Variants in MCEMP1 observed in about 807,000 individuals in gnomAD.
MCEMP1 encodes mast cell-expressed membrane protein 1.
MCEMP1 carries 17 observed loss-of-function variants against 27.9 expected under a neutral mutation model. That is an observed-to-expected ratio of 0.61 (90% CI 0.42 to 0.91). The LOEUF (loss-of-function observed/expected upper bound fraction) is 0.91. MCEMP1 is among the 40% of genes least tolerant of loss of function. MCEMP1 has a pLI of 0.00. For synonymous variants in MCEMP1, 88 were observed against 76.9 expected, an observed-to-expected ratio of 1.14 and a Z score of -0.76; for missense variants, 200 against 204.8, an observed-to-expected ratio of 0.98 and a Z score of 0.14.
Position 7,679,321 on chromosome 19 carries a change from C to G in MCEMP1, c.*207C>G. The G allele has an allele frequency of 1.6e-6, 1 of 621,098 alleles. No individual in the cohort carries two copies. The allele number at this position is 621,098 out of a possible 1,614,324, so 38.5% of individuals were successfully genotyped here. A position where few individuals can be genotyped will look rare whatever the true frequency, so the allele number is the denominator to read the frequency against. On this transcript the variant is annotated 3_prime_UTR_variant, in exon 7 of 7. Coordinates refer to ENST00000333598, the MANE Select transcript of MCEMP1 (RefSeq NM_174918.3). The surrounding 1 kb of genome is among the most constrained non-coding windows in gnomAD (Gnocchi z 4.9). The stretch of plus-strand genomic sequence containing the variant: ...GCGTGCGTGTGTGTGCGTGTGTGCG[C>G]GTGTGTTCGTGTATGTGCGTGTGTG...
chr19:7,678,981 C>T lies in MCEMP1; in HGVS notation c.506C>T (p.Pro169Leu). 1.2e-6 allele frequency: 2 copies of T among 1,600,354 alleles called. No homozygotes were observed. The highest frequency in any genetic ancestry group is 2.2e-5 in the East Asian group (1 of 44,592). ...QKILEVLQKM[P>L]QSSPQ ...ATCTTGGAGGTGCTGCAGAAAATGCCACGTAAGTTGGCGCCCCGACAGGAG... is the reference window on the plus strand; with the variant it reads ...ATCTTGGAGGTGCTGCAGAAAATGCTACGTAAGTTGGCGCCCCGACAGGAG... The change falls in exon 6 of 7, where the codon CCA becomes CTA. Residue 169 changes from proline to leucine, a missense_variant and splice_region_variant. Transcript: ENST00000333598. This position sits in a 1 kb window ranked among gnomAD's most constrained non-coding sequence, Gnocchi z 4.8.
In MCEMP1 at chr19:7,678,780, T is replaced by C; in HGVS notation, c.449-144T>C. The C allele has an allele frequency of 9.1e-7, 1 of 1,100,812 alleles. No individual in the cohort carries two copies. The highest frequency in any genetic ancestry group is 1.3e-6 in the Non-Finnish European group (1 of 763,428). The allele number at this position is 1,100,812 out of a possible 1,614,324, so 68.2% of individuals were successfully genotyped here. ...TGCTCTGTGGGTATTGAAAGGCTCCTGGGAACCCCAAATCCATGGGCTCTG... is the reference window on the plus strand; with the variant it reads ...TGCTCTGTGGGTATTGAAAGGCTCCCGGGAACCCCAAATCCATGGGCTCTG... On this transcript the variant is annotated intron_variant, in intron 5 of 6. Coordinates refer to ENST00000333598, the MANE Select transcript of MCEMP1 (RefSeq NM_174918.3). The surrounding 1 kb of genome is among the most constrained non-coding windows in gnomAD (Gnocchi z 4.8).
In MCEMP1 at chr19:7,678,737, G is replaced by A; in HGVS notation, c.448+133G>A. 1 of 1,103,774 alleles carries A rather than the reference G, an allele frequency of 9.1e-7. No individual in the cohort carries two copies. The highest frequency in any genetic ancestry group is 2.6e-5 in the East Asian group (1 of 38,896). The allele number at this position is 1,103,774 out of a possible 1,614,324, so 68.4% of individuals were successfully genotyped here. A position where few individuals can be genotyped will look rare whatever the true frequency, so the allele number is the denominator to read the frequency against. ...AAAGCTCAAGTTGTGGAGGGGCGAT[G>A]GGTGTTACCATCTGGGTTGCTCTGT... On this transcript the variant is annotated intron_variant, in intron 5 of 6. Coordinates refer to ENST00000333598, the MANE Select transcript of MCEMP1 (RefSeq NM_174918.3). This position sits in a 1 kb window ranked among gnomAD's most constrained non-coding sequence, Gnocchi z 4.8.
chr19:7,679,289 T>C lies in MCEMP1; in HGVS notation c.*175T>C, dbSNP rs532563102. 5.7e-5 allele frequency: 44 copies of C among 768,320 alleles called. No homozygotes were observed. The highest frequency in any genetic ancestry group is 9.0e-5 in the Non-Finnish European group (43 of 479,902). The allele number at this position is 768,320 out of a possible 1,614,324, so 47.6% of individuals were successfully genotyped here. On this transcript the variant is annotated 3_prime_UTR_variant, in exon 7 of 7. Coordinates refer to ENST00000333598, the MANE Select transcript of MCEMP1 (RefSeq NM_174918.3). The surrounding 1 kb of genome is among the most constrained non-coding windows in gnomAD (Gnocchi z 4.9). ...TGTCTCGGAGTTGCTCGTGTGTGTG[T>C]ACACCTGCGTGCGTGTGTGTGCGTG...
In MCEMP1 at chr19:7,679,196, C is replaced by A. The variant is rs58349142; in HGVS notation, c.*82C>A. 3.3e-5 allele frequency: 47 copies of A among 1,424,672 alleles called. No homozygotes were observed. Among genetic ancestry groups the A allele is most frequent in the South Asian group, 7.0e-5 (5 of 71,552 alleles). The allele number at this position is 1,424,672 out of a possible 1,614,324, so 88.3% of individuals were successfully genotyped here. ...CAACGAAGACGGGAAATGACCCCCC[C>A]CCCCCAGCCTAGTGTGAACCTGCCC... On this transcript the variant is annotated 3_prime_UTR_variant, in exon 7 of 7. Transcript: ENST00000333598. The surrounding 1 kb of genome is among the most constrained non-coding windows in gnomAD (Gnocchi z 4.9).
In MCEMP1 at chr19:7,677,652, A is replaced by C. The variant is rs2032567897; in HGVS notation, c.71A>C (p.Asp24Ala). 2 of 1,613,902 alleles carry C rather than the reference A, an allele frequency of 1.2e-6. No homozygotes were observed. The highest frequency in any genetic ancestry group is 1.7e-5 in the Admixed American group (1 of 60,002). ...CCCCTCCCAGGTGCCCATGACCCAGACTATGAGAATATCACCTTGGCCTTC... is the reference window on the plus strand; with the variant it reads ...CCCCTCCCAGGTGCCCATGACCCAGCCTATGAGAATATCACCTTGGCCTTC... ...SAKNQGAHDPDYENITLAFKN... is the reference protein window; with the variant it reads ...SAKNQGAHDPAYENITLAFKN... The change falls in exon 2 of 7, where the codon GAC becomes GCC. Residue 24 changes from aspartate (D) to alanine (A), a missense_variant. Coordinates refer to ENST00000333598, the MANE Select transcript of MCEMP1 (RefSeq NM_174918.3). This position sits in a 1 kb window ranked among gnomAD's most constrained non-coding sequence, Gnocchi z 4.6.
rs151233009 is a variant in MCEMP1 at position 7,678,296 on chromosome 19, TTCTC to T, written c.284-43_284-40del. ...GGGGCCTAGACTTTCTCCCTTGTCC[TTCTC>T]TCTCTCTCTCCCTGGGTGCTTCAAG... On this transcript the variant is annotated intron_variant, in intron 3 of 6. Coordinates refer to ENST00000333598, the MANE Select transcript of MCEMP1 (RefSeq NM_174918.3). This position sits in a 1 kb window ranked among gnomAD's most constrained non-coding sequence, Gnocchi z 4.8. 3.1e-6 allele frequency: 5 copies of T among 1,604,292 alleles called. No homozygotes were observed. Among genetic ancestry groups the T allele is most frequent in the Non-Finnish European group, 2.6e-6 (3 of 1,172,418 alleles).
rs2032567160 is a variant in MCEMP1 at position 7,677,576 on chromosome 19, C to T, written c.56-61C>T. On this transcript the variant is annotated intron_variant, in intron 1 of 6. Coordinates refer to ENST00000333598, the MANE Select transcript of MCEMP1 (RefSeq NM_174918.3). This position sits in a 1 kb window ranked among gnomAD's most constrained non-coding sequence, Gnocchi z 4.6. ...ATTGAGTGCAAAGGGTTGGGTAAAA[C>T]AAGATCCCGGATCCACTCTCCACAC... 6.8e-7 allele frequency: 1 copy of T among 1,478,640 alleles called. No individual in the cohort carries two copies. Among genetic ancestry groups the T allele is most frequent in the East Asian group, 2.3e-5 (1 of 44,172 alleles). 91.6% of individuals were successfully genotyped at this position (1,478,640 alleles called of 1,614,324 possible). A position where few individuals can be genotyped will look rare whatever the true frequency, so the allele number is the denominator to read the frequency against.
rs904203157 is a variant in MCEMP1, at chr19:7,677,091, G to A, written c.-30G>A. 6.3e-7 allele frequency: 1 copy of A among 1,596,958 alleles called. No homozygotes were observed. Among genetic ancestry groups the A allele is most frequent in the Non-Finnish European group, 8.5e-7 (1 of 1,171,348 alleles). On this transcript the variant is annotated 5_prime_UTR_variant, in exon 1 of 7. Coordinates refer to ENST00000333598, the MANE Select transcript of MCEMP1 (RefSeq NM_174918.3). The surrounding 1 kb of genome is among the most constrained non-coding windows in gnomAD (Gnocchi z 4.6). Reference sequence around the variant, plus strand: ...TTGCGGGCTGGGGACCATGGAAGTGGAGGAAATCTACAAGCACCAGGAAGT... The same window carrying A: ...TTGCGGGCTGGGGACCATGGAAGTGAAGGAAATCTACAAGCACCAGGAAGT...
chr19:7,678,195 G>A lies in MCEMP1; in HGVS notation c.237G>A (p.Leu79=). 1 of 1,614,068 alleles carries A rather than the reference G, an allele frequency of 6.2e-7. No individual in the cohort carries two copies. The highest frequency in any genetic ancestry group is 8.5e-7 in the Non-Finnish European group (1 of 1,179,998). The change falls in exon 3 of 7, where the codon CTG becomes CTA. Residue 79 remains leucine (L), a synonymous_variant. Transcript: ENST00000333598. This position sits in a 1 kb window ranked among gnomAD's most constrained non-coding sequence, Gnocchi z 4.8. ...AILSLYILLA[L]AFVLCIILSA... ...TGAGCCTGTACATCCTCCTGGCCCT[G>A]GCCTTTGTCCTCTGCATCATCCTGT... is the stretch of plus-strand genomic sequence containing the variant.
In MCEMP1 at chr19:7,677,554, G is replaced by T; in HGVS notation, c.56-83G>T. On this transcript the variant is annotated intron_variant, in intron 1 of 6. Transcript: ENST00000333598. The surrounding 1 kb of genome is among the most constrained non-coding windows in gnomAD (Gnocchi z 4.6). ...TATCTTTCACCCCCTACAATTTATT[G>T]AGTGCAAAGGGTTGGGTAAAACAAG... is the stretch of plus-strand genomic sequence containing the variant. 7.7e-7 allele frequency: 1 copy of T among 1,304,124 alleles called. No individual in the cohort carries two copies. The highest frequency in any genetic ancestry group is 1.5e-5 in the African/African-American group (1 of 68,456). The allele number at this position is 1,304,124 out of a possible 1,614,324, so 80.8% of individuals were successfully genotyped here.
chr19:7,677,508 A>C lies in MCEMP1; in HGVS notation c.56-129A>C. ...CACCCGCTCCACTTAACCAAAAAGCAGATTTTAGCTTCTCACTCCTTATCT... is the reference window on the plus strand; with the variant it reads ...CACCCGCTCCACTTAACCAAAAAGCCGATTTTAGCTTCTCACTCCTTATCT... On this transcript the variant is annotated intron_variant, in intron 1 of 6. Transcript: ENST00000333598. The surrounding 1 kb of genome is among the most constrained non-coding windows in gnomAD (Gnocchi z 4.6). The C allele has an allele frequency of 1.1e-6, 1 of 940,818 alleles. No individual in the cohort carries two copies. Among genetic ancestry groups the C allele is most frequent in the Middle Eastern group, 2.2e-4 (1 of 4,580 alleles). The allele number at this position is 940,818 out of a possible 1,614,324, so 58.3% of individuals were successfully genotyped here. A position where few individuals can be genotyped will look rare whatever the true frequency, so the allele number is the denominator to read the frequency against.
Position 7,678,638 on chromosome 19 carries a change from T to C in MCEMP1, c.448+34T>C, listed in dbSNP as rs768309215. 7 of 1,577,854 alleles carry C rather than the reference T, an allele frequency of 4.4e-6. No homozygotes were observed. Among genetic ancestry groups the C allele is most frequent in the African/African-American group, 2.7e-5 (2 of 73,958 alleles). ...GTAGTCTCGCCTTCTATGGGGGTTA[T>C]TTGTCACCAATGCCCGGAGCTGAGC... On this transcript the variant is annotated intron_variant, in intron 5 of 6. Transcript: ENST00000333598. The surrounding 1 kb of genome is among the most constrained non-coding windows in gnomAD (Gnocchi z 4.8).
Position 7,677,314 on chromosome 19 carries a change from C to A in MCEMP1, c.55+139C>A. 1 of 731,772 alleles carries A rather than the reference C, an allele frequency of 1.4e-6. No individual in the cohort carries two copies. Among genetic ancestry groups the A allele is most frequent in the Non-Finnish European group, 2.3e-6 (1 of 437,920 alleles). 45.3% of individuals were successfully genotyped at this position (731,772 alleles called of 1,614,324 possible). A position where few individuals can be genotyped will look rare whatever the true frequency, so the allele number is the denominator to read the frequency against. The stretch of plus-strand genomic sequence containing the variant: ...GTGAGCCCTGGAGGTGGAGACTGGC[C>A]TGGGCAACATAGGGAGACTCTGTCT... On this transcript the variant is annotated intron_variant, in intron 1 of 6. Transcript: ENST00000333598. This position sits in a 1 kb window ranked among gnomAD's most constrained non-coding sequence, Gnocchi z 4.6.
At position 7,678,907 on chromosome 19, in the gene MCEMP1, C is replaced by CCA; in HGVS notation, c.449-16_449-15insAC. On this transcript the variant is annotated splice_polypyrimidine_tract_variant and intron_variant, in intron 5 of 6. Coordinates refer to ENST00000333598, the MANE Select transcript of MCEMP1 (RefSeq NM_174918.3). The surrounding 1 kb of genome is among the most constrained non-coding windows in gnomAD (Gnocchi z 4.8). Reference sequence around the variant, plus strand: ...GCTTGACTTATCTGTTCCCACCCAACCCTCCCCGCCCCCTAGGCATAAAAA... The same window carrying CCA: ...GCTTGACTTATCTGTTCCCACCCAACCACCTCCCCGCCCCCTAGGCATAAAAA... 3.3e-6 allele frequency: 3 copies of CCA among 906,012 alleles called. No individual in the cohort carries two copies. Among genetic ancestry groups the CCA allele is most frequent in the Non-Finnish European group, 5.1e-6 (3 of 591,808 alleles). The allele number at this position is 906,012 out of a possible 1,614,324, so 56.1% of individuals were successfully genotyped here.
Position 7,679,047 on chromosome 19 carries a change from C to T in MCEMP1, c.509-51C>T. ...TGGGGCTTCAGATTTAGCCCCAGCT[C>T]CTCTCCCAGGGGCGGGATCTGCCTC... On this transcript the variant is annotated intron_variant, in intron 6 of 6. Coordinates refer to ENST00000333598, the MANE Select transcript of MCEMP1 (RefSeq NM_174918.3). This position sits in a 1 kb window ranked among gnomAD's most constrained non-coding sequence, Gnocchi z 4.9. The T allele has an allele frequency of 6.2e-7, 1 of 1,606,588 alleles. No homozygotes were observed. The highest frequency in any genetic ancestry group is 1.1e-5 in the South Asian group (1 of 89,758).
rs1599422955 is a variant in MCEMP1, at chr19:7,679,140, G to A, written c.*26G>A. ...ATGAGAGGACATTGTGGCAGCCAAA[G>A]CCACAACTTGGAAGATGGGGCTGCA... On this transcript the variant is annotated 3_prime_UTR_variant, in exon 7 of 7. Transcript: ENST00000333598. This position sits in a 1 kb window ranked among gnomAD's most constrained non-coding sequence, Gnocchi z 4.9. 1 of 1,578,030 alleles carries A rather than the reference G, an allele frequency of 6.3e-7. No individual in the cohort carries two copies. The highest frequency in any genetic ancestry group is 8.6e-7 in the Non-Finnish European group (1 of 1,159,892).
At position 7,677,411 on chromosome 19, in the gene MCEMP1, G is replaced by T. The variant is rs1182987148; in HGVS notation, c.56-226G>T. Among the ~76,000 whole-genome samples, 1 of 151,824 alleles carries T rather than the reference G, an allele frequency of 6.6e-6. No homozygotes were observed. Among genetic ancestry groups the T allele is most frequent in the African/African-American group, 2.4e-5 (1 of 41,274 alleles). On this transcript the variant is annotated intron_variant, in intron 1 of 6. Coordinates refer to ENST00000333598, the MANE Select transcript of MCEMP1 (RefSeq NM_174918.3). The surrounding 1 kb of genome is among the most constrained non-coding windows in gnomAD (Gnocchi z 4.6). The stretch of plus-strand genomic sequence containing the variant: ...TAAGGGGTCAAAGGTGGGGGCCGGG[G>T]GCTCCTTCCCCTCCAAGATGTGTGG...
rs1467134302 is a variant in MCEMP1, at chr19:7,679,394, C to G, written c.*280C>G. 2.1e-6 allele frequency: 1 copy of G among 474,804 alleles called. No homozygotes were observed. The highest frequency in any genetic ancestry group is 3.7e-6 in the Non-Finnish European group (1 of 268,842). 29.4% of individuals were successfully genotyped at this position (474,804 alleles called of 1,614,324 possible). A position where few individuals can be genotyped will look rare whatever the true frequency, so the allele number is the denominator to read the frequency against. On this transcript the variant is annotated 3_prime_UTR_variant, in exon 7 of 7. Transcript: ENST00000333598. The surrounding 1 kb of genome is among the most constrained non-coding windows in gnomAD (Gnocchi z 4.9). ...GCAAAGGGTGGACATTTCAGTGTAT[C>G]TCCCAGAAAGGTGATGAATGAATAG...
Sources: gnomAD v4.1 joint callset for allele counts (sites outside exome capture counted in the v4.1 genomes callset) on GRCh38, gnomAD v4.1.1 for gene constraint, Gnocchi (gnomAD v3.1) non-coding constraint, MANE v1.5 for transcripts, NCBI Gene and HGNC (gene_info 2026-07-23, HGNC 2026-07-21) for gene names.